The following FARP1 variants were observed in gnomAD, a reference collection of about 807,000 sequenced individuals.
The protein encoded by FARP1 is FERM, ARHGEF and pleckstrin domain-containing protein 1.
Under a neutral mutation model 128.8 loss-of-function variants are expected in FARP1, and 52 were observed. The observed-to-expected ratio is 0.40, with a 90% CI of 0.32 to 0.51. The LOEUF (loss-of-function observed/expected upper bound fraction) is 0.51, where lower values mean the gene tolerates loss of function less well. Ranked by LOEUF, FARP1 falls within the 20% of genes least tolerant of loss-of-function variation. The pLI is 0.45. For missense variants in FARP1, 1,333 were observed against 1,367.9 expected, an observed-to-expected ratio of 0.97 and a Z score of 0.40; for synonymous variants, 580 against 551.8, an observed-to-expected ratio of 1.05 and a Z score of -0.72.
chr13:98,336,927 A>T (rs1361142672), intron 2 of FARP1, among the ~76,000 whole-genome samples: 1 of 152,256 alleles, frequency 6.6e-6, no homozygotes, highest in Non-Finnish European at 1.5e-5. Context: ...ATAGAACATT[A>T]TAGTGACTGT....
At chr13:98,360,363 T>C in intron 3 of FARP1, among the ~76,000 whole-genome samples, 1 of 152,198 alleles carries the variant, frequency 6.6e-6, no homozygotes, top group East Asian at 1.9e-4. Flanking sequence ...CCCAAAGTGC[T>C]AGGATTACAG....
intron 2 of FARP1, among the ~76,000 whole-genome samples, chr13:98,247,922 A>G (rs1555330951): frequency 6.6e-6 from 1 of 152,220 alleles, no homozygotes; most frequent in Admixed American, 6.5e-5. Context: ...TGGACACTTG[A>G]TCAGCAGTCG....
At chr13:98,386,512 A>G (rs952205448) in intron 8 of FARP1, among the ~76,000 whole-genome samples, 5 of 152,164 alleles carry the variant, frequency 3.3e-5, no homozygotes, top group East Asian at 1.9e-4. Context: ...AAGTGCACAC[A>G]CTTGAAGTGC....
At chr13:98,162,280 C>T (rs72653392) in intron 1 of FARP1, among the ~76,000 whole-genome samples, 14,124 of 152,196 alleles carry the variant, frequency 0.093, 855 homozygotes, top group African/African-American at 0.16. Flanking sequence ...GCCATGCCTG[C>T]GTACAAGTGT....
chr13:98,443,184 C>T (rs1181385074), intron 24 of FARP1, among the ~76,000 whole-genome samples: 1 of 152,198 alleles, frequency 6.6e-6, no homozygotes, highest in African/African-American at 2.4e-5. Context: ...TTCAGTTTTG[C>T]CCCTTGGCCT....
At chr13:98,438,334 G>A (rs1432299414) in intron 19 of FARP1, among the ~76,000 whole-genome samples, 1 of 152,118 alleles carries the variant, frequency 6.6e-6, no homozygotes, top group African/African-American at 2.4e-5. Context: ...AGGGTCCCTT[G>A]CTGCCACTTT....
At chr13:98,244,650 TGG>T in intron 2 of FARP1, 7 of 1,614,230 alleles carry the variant, frequency 4.3e-6, no homozygotes, top group Non-Finnish European at 5.9e-6. Flanking sequence ...TTACACAAAC[TGG>T]GCTGGAAGTA....
chr13:98,418,366 C>G (rs9517286), intron 16 of FARP1, among the ~76,000 whole-genome samples: 46,624 of 151,978 alleles, frequency 0.31, 7,960 homozygotes, highest in African/African-American at 0.44. Context: ...CCTCCGTCTC[C>G]CAGGTTCAAG....
intron 1 of FARP1, among the ~76,000 whole-genome samples, chr13:98,160,511 T>G (rs1876805362): frequency 6.6e-6 from 1 of 152,206 alleles, no homozygotes; most frequent in Non-Finnish European, 1.5e-5. Flanking sequence ...TCGTTTCTTT[T>G]TGTTAATTGC....
intron 1 of FARP1, among the ~76,000 whole-genome samples, chr13:98,210,866 C>T (rs1408498618): frequency 6.6e-6 from 1 of 152,164 alleles, no homozygotes; most frequent in Non-Finnish European, 1.5e-5. Context: ...GGACCTTTAC[C>T]TCCTCTTGGT....
chr13:98,342,744 G>A, intron 2 of FARP1, among the ~76,000 whole-genome samples: 1 of 151,620 alleles, frequency 6.6e-6, no homozygotes, highest in East Asian at 1.9e-4. Context: ...CATGGAAGGG[G>A]CAGGGCACAG....
intron 2 of FARP1, among the ~76,000 whole-genome samples, chr13:98,232,145 G>GTTTTTTTTTTTT (rs59209045): frequency 3.4e-4 from 36 of 105,758 alleles, no homozygotes; most frequent in African/African-American, 8.0e-4. Context: ...TGTTTGGTTG[G>GTTTTTTTTTTTT]TTTTTTTTTT....
intron 2 of FARP1, among the ~76,000 whole-genome samples, chr13:98,288,679 A>G (rs931569362): frequency 6.6e-6 from 1 of 152,122 alleles, no homozygotes; most frequent in Non-Finnish European, 1.5e-5. Flanking sequence ...GAGGAGTCTC[A>G]TGGTTAGTGG....
intron 2 of FARP1, among the ~76,000 whole-genome samples, chr13:98,224,383 T>G (rs1330378156): frequency 1.3e-5 from 2 of 150,880 alleles, no homozygotes; most frequent in African/African-American, 4.9e-5. Flanking sequence ...AAAAATTAGC[T>G]GGGCGTGGTG....
At chr13:98,157,216 T>C (rs905273902) in intron 1 of FARP1, among the ~76,000 whole-genome samples, 5 of 152,328 alleles carry the variant, frequency 3.3e-5, no homozygotes, top group East Asian at 1.9e-4. Flanking sequence ...TGTGAGATCA[T>C]GTTACTGTTT....
intron 3 of FARP1, among the ~76,000 whole-genome samples, chr13:98,355,691 T>A (rs1253705294): frequency 2.6e-5 from 4 of 152,244 alleles, no homozygotes; most frequent in African/African-American, 9.6e-5. Context: ...TTAAAAATTT[T>A]CCGTATTTGA....
Position 98,448,414 on chromosome 13 carries a change from A to T in FARP1, c.*97A>T. 9.8e-7 allele frequency: 1 copy of T among 1,018,292 alleles called. No individual in the cohort carries two copies. Among genetic ancestry groups the T allele is most frequent in the Non-Finnish European group, 1.5e-6 (1 of 649,150 alleles). 63.1% of individuals were successfully genotyped at this position (1,018,292 alleles called of 1,614,324 possible). ...CCTGGTAAAATTAACACCTGTCTGA[A>T]AATCAAAAACATGGCTTCCCAGCAG... On this transcript the variant is annotated 3_prime_UTR_variant, in exon 27 of 27. Coordinates refer to ENST00000319562, the MANE Select transcript of FARP1 (RefSeq NM_005766.4).
At chr13:98,263,513 A>G (rs1215508494) in intron 2 of FARP1, among the ~76,000 whole-genome samples, 2 of 152,260 alleles carry the variant, frequency 1.3e-5, no homozygotes, top group East Asian at 1.9e-4. Flanking sequence ...CAAAAGAGAA[A>G]AAAGTTTATG....
chr13:98,377,072 G>A (rs1889617151), intron 5 of FARP1, among the ~76,000 whole-genome samples: 1 of 152,080 alleles, frequency 6.6e-6, no homozygotes, highest in Non-Finnish European at 1.5e-5. Flanking sequence ...GGAGGCCGAG[G>A]TGGGCAGATC....
Sources: allele counts gnomAD v4.1 joint callset (sites outside exome capture counted in the v4.1 genomes callset), GRCh38; gene constraint gnomAD v4.1.1; transcripts MANE v1.5; gene names NCBI Gene and HGNC (gene_info 2026-07-23, HGNC 2026-07-21).